EPHA4: variants seen among roughly 807,000 people sequenced by gnomAD.
EPHA4 encodes the protein ephrin type-A receptor 4.
A neutral mutation model predicts 108.3 loss-of-function variants in EPHA4; 19 were observed. The ratio of observed to expected loss-of-function variants is 0.18; its 90% CI spans 0.12 to 0.26. EPHA4 has a LOEUF of 0.26. Ranked by LOEUF, EPHA4 falls within the 10% of genes least tolerant of loss-of-function variation. The pLI is 1.00. For synonymous variants in EPHA4, 449 were observed against 455.5 expected (o/e 0.99, Z 0.18); for missense variants, 917 against 1,254.0 (o/e 0.73, Z 4.06).
intron 8 of EPHA4, among the ~76,000 whole-genome samples, chr2:221,455,047 G>A (rs1210053503): frequency 5.9e-5 from 9 of 152,150 alleles, no homozygotes. Context: ...CACCTCCTGT[G>A]TGCTGTATTA....
At chr2:221,498,944 C>G (rs1020492050) in intron 4 of EPHA4, among the ~76,000 whole-genome samples, 9 of 151,856 alleles carry the variant, frequency 5.9e-5, no homozygotes, top group Non-Finnish European at 1.3e-4. Flanking sequence ...GCTCACACCA[C>G]CACGCCTGTC....
intron 3 of EPHA4, among the ~76,000 whole-genome samples, chr2:221,549,979 TCAAA>T (rs944053008): frequency 9.2e-5 from 14 of 152,050 alleles, no homozygotes; most frequent in African/African-American, 2.4e-4. Flanking sequence ...AGACTCCATC[TCAAA>T]CAAACAAACA....
chr2:221,460,190 A>G (rs984455569), intron 5 of EPHA4, among the ~76,000 whole-genome samples: 2 of 152,208 alleles, frequency 1.3e-5, no homozygotes, highest in African/African-American at 4.8e-5. Context: ...TGATATGCAT[A>G]AATGTGAAAA....
At position 221,555,140 on chromosome 2, in the gene EPHA4, G is replaced by T. The variant is rs1490491206; in HGVS notation, c.823+8591C>A. Among the ~76,000 whole-genome samples the T allele has an allele frequency of 3.9e-5, 6 of 152,244 alleles. No homozygotes were observed. The South Asian group carries it at 1.2e-3, about 32-fold the overall frequency. The stretch of plus-strand genomic sequence containing the variant: ...TGGGTTATTTTGCATGGGGCAGGGG[G>T]GCCGGAGAGTGACAACCAGCCACAC... On this transcript the variant is annotated intron_variant, in intron 3 of 17. Transcript: ENST00000281821.
At chr2:221,508,320 T>C (rs1196899064) in intron 3 of EPHA4, among the ~76,000 whole-genome samples, 3 of 152,166 alleles carry the variant, frequency 2.0e-5, no homozygotes. Context: ...GGCTCACGCC[T>C]GTAATCCCAG....
At position 221,467,093 on chromosome 2, in the gene EPHA4, G is replaced by T. The variant is rs116710096; in HGVS notation, c.1319-9103C>A. Among the ~76,000 whole-genome samples, 905 of 152,260 alleles carry T rather than the reference G, an allele frequency of 5.9e-3. 9 individuals carry two copies. The highest frequency in any genetic ancestry group is 0.021 in the African/African-American group (861 of 41,550). ...AACCTTAAAACTTTTGGTGCAGAAT[G>T]AACTCACATTTGAACTAATCTAAAG... On this transcript the variant is annotated intron_variant, in intron 5 of 17. Coordinates refer to ENST00000281821, the MANE Select transcript of EPHA4 (RefSeq NM_004438.5).
At chr2:221,473,385 T>C (rs988688620) in intron 5 of EPHA4, among the ~76,000 whole-genome samples, 1 of 152,070 alleles carries the variant, frequency 6.6e-6, no homozygotes, top group Admixed American at 6.6e-5. Context: ...TACCCTCTTA[T>C]TGTATACCCA....
intron 5 of EPHA4, among the ~76,000 whole-genome samples, chr2:221,458,663 G>T (rs996961433): frequency 6.6e-6 from 1 of 152,288 alleles, no homozygotes; most frequent in East Asian, 1.9e-4. Flanking sequence ...TTTCCACTGC[G>T]AAGGACACAA....
chr2:221,445,343 G>T (rs202071946), intron 9 of EPHA4, among the ~76,000 whole-genome samples: 2 of 151,830 alleles, frequency 1.3e-5, no homozygotes, highest in East Asian at 3.9e-4. Context: ...TAATCCCAGC[G>T]CTTTGGGAGG....
chr2:221,565,173 T>G (rs1263886318), intron 2 of EPHA4, among the ~76,000 whole-genome samples: 1 of 152,120 alleles, frequency 6.6e-6, no homozygotes, highest in Non-Finnish European at 1.5e-5. Context: ...CCGTGGACAT[T>G]AAAAATAAAA....
chr2:221,518,197 C>T (rs1221120548), intron 3 of EPHA4, among the ~76,000 whole-genome samples: 1 of 152,130 alleles, frequency 6.6e-6, no homozygotes, highest in Admixed American at 6.5e-5. Flanking sequence ...CATGCTTCCC[C>T]CTCCCCACTC....
At chr2:221,537,769 AAT>A (rs1309132655) in intron 3 of EPHA4, among the ~76,000 whole-genome samples, 2 of 152,250 alleles carry the variant, frequency 1.3e-5, no homozygotes, top group Non-Finnish European at 2.9e-5. Context: ...TAGCCTAGGC[AAT>A]AGAGTGAGAT....
chr2:221,464,443 C>A (rs78240693), intron 5 of EPHA4, among the ~76,000 whole-genome samples: 1 of 152,102 alleles, frequency 6.6e-6, no homozygotes. Context: ...AAGGGTTTCG[C>A]GTCTCTGAGA....
At chr2:221,465,198 T>G (rs1205945488) in intron 5 of EPHA4, among the ~76,000 whole-genome samples, 1 of 152,206 alleles carries the variant, frequency 6.6e-6, no homozygotes, top group Non-Finnish European at 1.5e-5. Context: ...TTTAAGAGTC[T>G]GATTTTGGAA....
intron 5 of EPHA4, among the ~76,000 whole-genome samples, chr2:221,477,290 C>T (rs1035421907): frequency 2.0e-5 from 3 of 152,162 alleles, no homozygotes; most frequent in Non-Finnish European, 2.9e-5. Flanking sequence ...CCTATGTGTT[C>T]AGCCACAGGC....
chr2:221,421,263 G>A (rs1689753957), intron 17 of EPHA4, among the ~76,000 whole-genome samples: 1 of 151,410 alleles, frequency 6.6e-6, no homozygotes, highest in African/African-American at 2.4e-5. Flanking sequence ...CAGCGCCACT[G>A]CTCTCCAGCC....
At chr2:221,468,035 A>T (rs1045146869) in intron 5 of EPHA4, among the ~76,000 whole-genome samples, 3 of 151,966 alleles carry the variant, frequency 2.0e-5, no homozygotes. Context: ...ATAAATATAC[A>T]TTTTTTTCTC....
At chr2:221,480,454 C>T (rs1202456320) in intron 5 of EPHA4, among the ~76,000 whole-genome samples, 1 of 152,204 alleles carries the variant, frequency 6.6e-6, no homozygotes, top group Non-Finnish European at 1.5e-5. Flanking sequence ...TGCATTGCAT[C>T]AGCTCCTAAT....
chr2:221,545,244 C>T (rs1292931330), intron 3 of EPHA4, among the ~76,000 whole-genome samples: 3 of 77,802 alleles, frequency 3.9e-5, no homozygotes, highest in African/African-American at 6.8e-5. Flanking sequence ...TCGAGGTGGG[C>T]GGATCACGAG....
Sources: allele counts gnomAD v4.1 joint callset (sites outside exome capture counted in the v4.1 genomes callset), GRCh38; gene constraint gnomAD v4.1.1; transcripts MANE v1.5; gene names NCBI Gene and HGNC (gene_info 2026-07-23, HGNC 2026-07-21).